The following CRPPA variants were observed in gnomAD, a reference collection of about 807,000 sequenced individuals.
CRPPA encodes D-ribitol-5-phosphate cytidylyltransferase.
Under a neutral mutation model 52.0 loss-of-function variants are expected in CRPPA, and 43 were observed. The ratio of observed to expected loss-of-function variants is 0.83; its 90% CI spans 0.65 to 1.07. The LOEUF (loss-of-function observed/expected upper bound fraction) is 1.07. Ranked by LOEUF, CRPPA falls within the 50% of genes least tolerant of loss-of-function variation. The pLI is 0.00. For missense variants in CRPPA, 629 were observed against 551.7 expected (o/e 1.14, Z -1.40); for synonymous variants, 250 against 203.5 (o/e 1.23, Z -1.94).
Position 16,196,366 on chromosome 7 carries a change from AC to A in CRPPA, c.1251+19699del, listed in dbSNP as rs773079200. ...GTTTATACAAAAGTGCCTGGTGCAC[AC>A]CGTGCTCAAAAAAATATATGTCTTC... On this transcript the variant is annotated intron_variant, in intron 9 of 9. Coordinates refer to ENST00000407010, the MANE Select transcript of CRPPA (RefSeq NM_001101426.4). Among the ~76,000 whole-genome samples, 24 of 152,246 alleles carry A rather than the reference AC, an allele frequency of 1.6e-4. No homozygotes were observed. In the South Asian group the frequency reaches 4.6e-3, roughly 29 times the overall value.
intron 9 of CRPPA, among the ~76,000 whole-genome samples, chr7:16,199,788 G>A (rs1381182911): frequency 6.7e-6 from 1 of 150,142 alleles, no homozygotes; most frequent in Non-Finnish European, 1.5e-5. Context: ...AACATGGACT[G>A]AAAAAAATCA....
chr7:16,233,367 G>A (rs954270792), intron 8 of CRPPA, among the ~76,000 whole-genome samples: 1 of 152,032 alleles, frequency 6.6e-6, no homozygotes, highest in Admixed American at 6.6e-5. Flanking sequence ...AAAATCTTAG[G>A]CAAAGAAAGG....
At chr7:16,417,760 C>G (rs1420450637) in intron 1 of CRPPA, among the ~76,000 whole-genome samples, 1 of 152,074 alleles carries the variant, frequency 6.6e-6, no homozygotes. Context: ...AATCTACACA[C>G]ACATTCCCTC....
chr7:16,264,764 A>T (rs1783908356), intron 6 of CRPPA, among the ~76,000 whole-genome samples: 1 of 152,194 alleles, frequency 6.6e-6, no homozygotes, highest in Non-Finnish European at 1.5e-5. Flanking sequence ...GCCAACAATT[A>T]TCCCTTTTTG....
intron 1 of CRPPA, among the ~76,000 whole-genome samples, chr7:16,416,624 C>T (rs1235373809): frequency 6.6e-6 from 1 of 151,900 alleles, no homozygotes; most frequent in Non-Finnish European, 1.5e-5. Context: ...CACCTGAGCG[C>T]AGGAGCTCAA....
intron 6 of CRPPA, chr7:16,261,835 A>G (rs1783814026): frequency 6.6e-6 from 1 of 151,892 alleles, no homozygotes; most frequent in African/African-American, 2.4e-5. Flanking sequence ...CTACCCCGCC[A>G]TTGCCCTTCC....
At chr7:16,344,380 A>C (rs1175274746) in intron 3 of CRPPA, among the ~76,000 whole-genome samples, 1 of 148,606 alleles carries the variant, frequency 6.7e-6, no homozygotes, top group African/African-American at 2.5e-5. Context: ...CAACCTGGAC[A>C]ACATAGCAAG....
intron 2 of CRPPA, among the ~76,000 whole-genome samples, chr7:16,381,914 C>T (rs990608206): frequency 1.3e-5 from 2 of 152,142 alleles, no homozygotes; most frequent in Non-Finnish European, 2.9e-5. Flanking sequence ...TTCCTGAATA[C>T]AGTGCACTGA....
intron 8 of CRPPA, among the ~76,000 whole-genome samples, chr7:16,217,959 C>T (rs994445546): frequency 2.3e-4 from 35 of 150,030 alleles, no homozygotes; most frequent in African/African-American, 8.5e-4. Context: ...AGATACTCCT[C>T]GAGAAGAGCA....
intron 9 of CRPPA, among the ~76,000 whole-genome samples, chr7:16,102,152 A>G (rs1403069183): frequency 2.0e-5 from 3 of 152,154 alleles, no homozygotes; most frequent in Non-Finnish European, 4.4e-5. Context: ...AAATAACACC[A>G]CACGTCTACA....
Position 16,090,942 on chromosome 7 carries a change from T to A in CRPPA, c.*753A>T, listed in dbSNP as rs968033876. On this transcript the variant is annotated 3_prime_UTR_variant, in exon 10 of 10. Coordinates refer to ENST00000407010, the MANE Select transcript of CRPPA (RefSeq NM_001101426.4). ...TATGATGTACAATAGATTCTCTACC[T>A]TATAGAAGATAACTAACCAGGGATT... 3 of 152,212 alleles carry A rather than the reference T, an allele frequency of 2.0e-5. No individual in the cohort carries two copies. The highest frequency in any genetic ancestry group is 7.2e-5 in the African/African-American group (3 of 41,442). 9.4% of individuals were successfully genotyped at this position (152,212 alleles called of 1,614,324 possible). A position where few individuals can be genotyped will look rare whatever the true frequency, so the allele number is the denominator to read the frequency against.
rs940133534 is a variant in CRPPA at position 16,147,682 on chromosome 7, A to G, written c.1252-55883T>C. ...TTTGAGGAATTAAAACATGTCTGAC[A>G]TTTTCAGTGCCTATCACAAGGTCTT... On this transcript the variant is annotated intron_variant, in intron 9 of 9. Transcript: ENST00000407010. 2.0e-5 allele frequency among the ~76,000 whole-genome samples: 3 copies of G among 152,140 alleles called. No homozygotes were observed. In the East Asian group the frequency reaches 5.8e-4, roughly 29 times the overall value.
At chr7:16,398,988 T>A (rs1342423096) in intron 2 of CRPPA, among the ~76,000 whole-genome samples, 2 of 152,214 alleles carry the variant, frequency 1.3e-5, no homozygotes, top group Admixed American at 6.5e-5. Context: ...ATGGCCGGAA[T>A]GTGATTGACA....
In CRPPA at chr7:16,106,141, C is replaced by G. The variant is rs1209197084; in HGVS notation, c.1252-14342G>C. On this transcript the variant is annotated intron_variant, in intron 9 of 9. Coordinates refer to ENST00000407010, the MANE Select transcript of CRPPA (RefSeq NM_001101426.4). ...GTTCCACCCAGCCTAAAAGCCCACCCAATAACTTTCCCATTTCCAAAAATT... is the reference window on the plus strand; with the variant it reads ...GTTCCACCCAGCCTAAAAGCCCACCGAATAACTTTCCCATTTCCAAAAATT... 2.0e-5 allele frequency among the ~76,000 whole-genome samples: 3 copies of G among 152,144 alleles called. No individual in the cohort carries two copies. In the East Asian group the frequency reaches 5.8e-4, roughly 29 times the overall value.
At chr7:16,134,483 G>A (rs1386567904) in intron 9 of CRPPA, among the ~76,000 whole-genome samples, 1 of 152,158 alleles carries the variant, frequency 6.6e-6, no homozygotes, top group Non-Finnish European at 1.5e-5. Flanking sequence ...GGGATTGCTG[G>A]CATACAAAAT....
At chr7:16,254,734 T>TAAGA in intron 8 of CRPPA, among the ~76,000 whole-genome samples, 6 of 101,022 alleles carry the variant, frequency 5.9e-5, no homozygotes, top group East Asian at 2.8e-4. Context: ...TCTTAAAGTA[T>TAAGA]AAGAAAGAAA....
At chr7:16,297,433 T>C (rs1562615724) in intron 5 of CRPPA, among the ~76,000 whole-genome samples, 1 of 151,422 alleles carries the variant, frequency 6.6e-6, no homozygotes, top group Non-Finnish European at 1.5e-5. Context: ...GCAGGGAGAG[T>C]GGTAAGGCAG....
intron 9 of CRPPA, chr7:16,209,101 A>G: frequency 2.8e-6 from 1 of 363,310 alleles, no homozygotes. Context: ...TGGGCAGACT[A>G]AGCCAATTAT....
chr7:16,133,508 G>A (rs1782713839), intron 9 of CRPPA, among the ~76,000 whole-genome samples: 1 of 123,942 alleles, frequency 8.1e-6, no homozygotes, highest in African/African-American at 2.6e-5. Flanking sequence ...TATTTCAGTG[G>A]GCTCGAATGT....
Sources: allele counts gnomAD v4.1 joint callset (sites outside exome capture counted in the v4.1 genomes callset), GRCh38; gene constraint gnomAD v4.1.1; transcripts MANE v1.5; gene names NCBI Gene and HGNC (gene_info 2026-07-23, HGNC 2026-07-21).